ATG10: variants seen among roughly 807,000 people sequenced by gnomAD.
ATG10 encodes the protein ubiquitin-like-conjugating enzyme ATG10.
ATG10 carries 30 observed loss-of-function variants against 32.1 expected under a neutral mutation model. The ratio of observed to expected loss-of-function variants is 0.94; its 90% CI spans 0.70 to 1.27. The LOEUF (loss-of-function observed/expected upper bound fraction) is 1.27, where lower values mean the gene tolerates loss of function less well. ATG10 is among the 50% of genes most tolerant of loss of function. ATG10 has a pLI of 0.00. For missense variants in ATG10, 233 were observed against 262.3 expected (o/e 0.89, Z 0.77); for synonymous variants, 87 against 91.5 (o/e 0.95, Z 0.28).
intron 1 of ATG10, among the ~76,000 whole-genome samples, chr5:81,979,072 G>C (rs1207161390): frequency 6.6e-6 from 1 of 151,950 alleles, no homozygotes; most frequent in Non-Finnish European, 1.5e-5. Context: ...GCTAATTTTT[G>C]TATTTTTAGT....
intron 3 of ATG10, among the ~76,000 whole-genome samples, chr5:82,070,509 ATTC>A (rs1276714264): frequency 6.6e-6 from 1 of 152,140 alleles, no homozygotes; most frequent in African/African-American, 2.4e-5. Flanking sequence ...AAACTCTGAA[ATTC>A]TTCTCTCTGT....
At chr5:82,172,271 A>G (rs991587372) in intron 4 of ATG10, among the ~76,000 whole-genome samples, 6 of 152,214 alleles carry the variant, frequency 3.9e-5, no homozygotes, top group Non-Finnish European at 7.3e-5. Flanking sequence ...AGAAACACAT[A>G]TAATGTAGTG....
chr5:82,247,188 A>G (rs986166748), intron 5 of ATG10, among the ~76,000 whole-genome samples: 10 of 152,164 alleles, frequency 6.6e-5, no homozygotes, highest in African/African-American at 2.4e-4. Flanking sequence ...TATTTCATCA[A>G]AGTTTGAAAT....
chr5:81,985,573 A>G lies in ATG10; in HGVS notation c.-12-1986A>G, dbSNP rs527441780. Among the ~76,000 whole-genome samples the G allele has an allele frequency of 2.6e-5, 4 of 152,258 alleles. No individual in the cohort carries two copies. The South Asian group carries it at 8.3e-4, about 32-fold the overall frequency. Reference sequence around the variant, plus strand: ...CTCTTCCCAAACCTGCTCTTCCTCCAGAGACCTCTGTCTTACTCAATGCAC... The same window carrying G: ...CTCTTCCCAAACCTGCTCTTCCTCCGGAGACCTCTGTCTTACTCAATGCAC... On this transcript the variant is annotated intron_variant, in intron 1 of 7. Coordinates refer to ENST00000282185, the MANE Select transcript of ATG10 (RefSeq NM_031482.5).
Position 82,005,849 on chromosome 5 carries a change from C to A in ATG10, c.108+18171C>A, listed in dbSNP as rs557380155. 2.0e-5 allele frequency among the ~76,000 whole-genome samples: 3 copies of A among 152,058 alleles called. No individual in the cohort carries two copies. The South Asian group carries it at 6.2e-4, about 31-fold the overall frequency. On this transcript the variant is annotated intron_variant, in intron 2 of 7. Transcript: ENST00000282185. ...TACTTTCTTGAGATTATATTTTATACAATTAATACTAGATCATTTTGTGTG... is the reference window on the plus strand; with the variant it reads ...TACTTTCTTGAGATTATATTTTATAAAATTAATACTAGATCATTTTGTGTG...
intron 5 of ATG10, among the ~76,000 whole-genome samples, chr5:82,181,319 G>A (rs964964037): frequency 4.6e-5 from 7 of 152,116 alleles, no homozygotes; most frequent in African/African-American, 7.2e-5. Flanking sequence ...ATCACAGTGC[G>A]TGTCGAGGCA....
At chr5:82,141,528 A>G (rs922134665) in intron 3 of ATG10, among the ~76,000 whole-genome samples, 1 of 152,172 alleles carries the variant, frequency 6.6e-6, no homozygotes, top group Non-Finnish European at 1.5e-5. Context: ...TGAAGAAGTA[A>G]TGCTAAATTA....
At chr5:82,135,667 A>C (rs544674719) in intron 3 of ATG10, among the ~76,000 whole-genome samples, 1 of 152,160 alleles carries the variant, frequency 6.6e-6, no homozygotes, top group African/African-American at 2.4e-5. Flanking sequence ...GATAAGTGCT[A>C]TGTGGTGCTG....
chr5:82,083,215 A>T (rs1004415963), intron 3 of ATG10, among the ~76,000 whole-genome samples: 2 of 152,194 alleles, frequency 1.3e-5, no homozygotes, highest in South Asian at 4.1e-4. Flanking sequence ...TCCCACCCCT[A>T]CGGAGCCTCA....
At chr5:82,102,433 G>T (rs1765310173) in intron 3 of ATG10, among the ~76,000 whole-genome samples, 1 of 152,078 alleles carries the variant, frequency 6.6e-6, no homozygotes, top group Admixed American at 6.6e-5. Context: ...ATCTAGGTCT[G>T]TGCTCATTCT....
intron 3 of ATG10, among the ~76,000 whole-genome samples, chr5:82,139,534 A>C (rs1398779259): frequency 1.7e-5 from 2 of 114,876 alleles, no homozygotes; most frequent in Non-Finnish European, 1.8e-5. Context: ...CCCGGCCGAG[A>C]CCCCGTCTGG....
chr5:82,116,022 A>G (rs1489663215), intron 3 of ATG10, among the ~76,000 whole-genome samples: 2 of 152,222 alleles, frequency 1.3e-5, no homozygotes, highest in East Asian at 3.9e-4. Flanking sequence ...TCTTACTGGG[A>G]GATGGCTATA....
chr5:82,029,183 A>G (rs546622657), intron 2 of ATG10, among the ~76,000 whole-genome samples: 73 of 152,330 alleles, frequency 4.8e-4, no homozygotes, highest in African/African-American at 1.7e-3. Context: ...GAATTATCCA[A>G]ATTCTGGTTA....
chr5:82,098,909 A>G (rs990264083), intron 3 of ATG10, among the ~76,000 whole-genome samples: 1 of 152,264 alleles, frequency 6.6e-6, no homozygotes, highest in Admixed American at 6.5e-5. Context: ...GAAGTAAAAT[A>G]GAAATATGAA....
At chr5:82,077,709 A>G (rs996282938) in intron 3 of ATG10, among the ~76,000 whole-genome samples, 3 of 152,248 alleles carry the variant, frequency 2.0e-5, no homozygotes, top group Non-Finnish European at 4.4e-5. Context: ...CATCACCGTC[A>G]TGAATGACCT....
At chr5:82,252,710 T>A in intron 6 of ATG10, 51 bp downstream of exon 6, 1 of 1,057,592 alleles carries the variant, frequency 9.5e-7, no homozygotes, top group Non-Finnish European at 1.4e-6. Flanking sequence ...TTTAAAAGTG[T>A]AAATCTTTTT....
At chr5:82,111,887 G>T (rs1765633100) in intron 3 of ATG10, among the ~76,000 whole-genome samples, 1 of 151,946 alleles carries the variant, frequency 6.6e-6, no homozygotes, top group Admixed American at 6.6e-5. Flanking sequence ...ATAGATGATG[G>T]ATATTTGTGT....
At chr5:82,115,354 G>A (rs951911210) in intron 3 of ATG10, among the ~76,000 whole-genome samples, 2 of 152,020 alleles carry the variant, frequency 1.3e-5, no homozygotes, top group Non-Finnish European at 2.9e-5. Flanking sequence ...CCTAGGGTTT[G>A]CTTTAGGAAA....
At position 82,156,041 on chromosome 5, in the gene ATG10, T is replaced by G. The variant is rs541385073; in HGVS notation, c.217-8358T>G. 1.5e-4 allele frequency among the ~76,000 whole-genome samples: 23 copies of G among 151,674 alleles called. 1 individual carries two copies. The highest frequency in any genetic ancestry group is 3.2e-4 in the Non-Finnish European group (22 of 67,916). Reference sequence around the variant, plus strand: ...AGGAAAAGGACAAAATGAAGGAAATTTTTATATAGGAGAAGATGAAGGAAT... The same window carrying G: ...AGGAAAAGGACAAAATGAAGGAAATGTTTATATAGGAGAAGATGAAGGAAT... On this transcript the variant is annotated intron_variant, in intron 3 of 7. Transcript: ENST00000282185.
Sources: allele counts gnomAD v4.1 joint callset (sites outside exome capture counted in the v4.1 genomes callset), GRCh38; gene constraint gnomAD v4.1.1; transcripts MANE v1.5; gene names NCBI Gene and HGNC (gene_info 2026-07-23, HGNC 2026-07-21).